The following IPCEF1 variants were observed in gnomAD, a reference collection of about 807,000 sequenced individuals.
IPCEF1 encodes the protein interaction protein for cytohesin exchange factors 1, also known as interactor protein for cytohesin exchange factors 1.
In IPCEF1, 31 loss-of-function variants were observed where a neutral mutation model predicts 50.9. The ratio of observed to expected loss-of-function variants is 0.61; its 90% CI spans 0.46 to 0.82. IPCEF1 has a LOEUF of 0.82. Among genes scored for constraint, IPCEF1 ranks in the 40% least tolerant of loss-of-function variants. IPCEF1 has a pLI of 0.00. For synonymous variants in IPCEF1, 181 were observed against 192.0 expected (o/e 0.94, Z 0.47); for missense variants, 458 against 514.0 (o/e 0.89, Z 1.05).
chr6:154,353,892 G>A (rs575119833), intron 1 of IPCEF1, among the ~76,000 whole-genome samples: 1 of 152,024 alleles, frequency 6.6e-6, no homozygotes, highest in African/African-American at 2.4e-5. Flanking sequence ...ACCACCATGT[G>A]TTCAACCATT....
At chr6:154,176,700 C>T (rs4870270) in intron 10 of IPCEF1, among the ~76,000 whole-genome samples, 53,083 of 152,046 alleles carry the variant, frequency 0.35, 9,644 homozygotes, top group Middle Eastern at 0.47. Flanking sequence ...ACATTCCATG[C>T]TCATGGATAG....
intron 1 of IPCEF1, among the ~76,000 whole-genome samples, chr6:154,325,775 G>A (rs1318864231): frequency 6.6e-6 from 1 of 152,052 alleles, no homozygotes; most frequent in Non-Finnish European, 1.5e-5. Context: ...TTTTGACGGT[G>A]AATATATTTA....
intron 1 of IPCEF1, among the ~76,000 whole-genome samples, chr6:154,290,710 T>G (rs1328807743): frequency 6.6e-6 from 1 of 152,140 alleles, no homozygotes; most frequent in African/African-American, 2.4e-5. Flanking sequence ...TATCAAAAAA[T>G]CATTAAACTG....
At chr6:154,217,017 C>G (rs907888280) in intron 7 of IPCEF1, 3 of 158,096 alleles carry the variant, frequency 1.9e-5, no homozygotes, top group African/African-American at 7.2e-5. Flanking sequence ...TTAAGAACAC[C>G]TGTGAAATTC....
At chr6:154,353,334 G>A in intron 1 of IPCEF1, among the ~76,000 whole-genome samples, 1 of 108,154 alleles carries the variant, frequency 9.2e-6, no homozygotes, top group South Asian at 3.1e-4. Flanking sequence ...CTCCCTCATT[G>A]CCCAGGCTGG....
chr6:154,279,060 G>A (rs1782140486), intron 2 of IPCEF1, among the ~76,000 whole-genome samples: 1 of 151,054 alleles, frequency 6.6e-6, no homozygotes, highest in African/African-American at 2.4e-5. Flanking sequence ...GGGGGATAGA[G>A]GTTGCACTGA....
intron 10 of IPCEF1, among the ~76,000 whole-genome samples, chr6:154,179,807 G>A (rs550725241): frequency 1.3e-5 from 2 of 152,230 alleles, no homozygotes; most frequent in Non-Finnish European, 2.9e-5. Context: ...CTTTCACACC[G>A]TGCAGAATCA....
Position 154,227,237 on chromosome 6 carries a change from T to C in IPCEF1, c.247-3994A>G, listed in dbSNP as rs1389916076. Among the ~76,000 whole-genome samples the C allele has an allele frequency of 2.6e-5, 4 of 151,636 alleles. No individual in the cohort carries two copies. The East Asian group carries it at 5.8e-4, about 22-fold the overall frequency. ...CAAACAAAAAAATTAAAAAATAAAA[T>C]AATAAAAAAATAAAAAACAATAGTT... On this transcript the variant is annotated intron_variant, in intron 5 of 11. Coordinates refer to ENST00000367220, the MANE Select transcript of IPCEF1 (RefSeq NM_001130700.2).
chr6:154,269,618 G>A (rs1156866413), intron 2 of IPCEF1, among the ~76,000 whole-genome samples: 2 of 152,094 alleles, frequency 1.3e-5, no homozygotes, highest in African/African-American at 4.8e-5. Flanking sequence ...TTACATGAGT[G>A]AGCAACCATG....
At chr6:154,297,504 G>C (rs754615330) in intron 1 of IPCEF1, among the ~76,000 whole-genome samples, 1 of 152,192 alleles carries the variant, frequency 6.6e-6, no homozygotes, top group Non-Finnish European at 1.5e-5. Context: ...TCCTCACTCT[G>C]ATTGTGGCTC....
At chr6:154,273,911 A>G (rs912082697) in intron 2 of IPCEF1, among the ~76,000 whole-genome samples, 7 of 147,950 alleles carry the variant, frequency 4.7e-5, no homozygotes, top group Non-Finnish European at 6.0e-5. Flanking sequence ...CCGCCACCAC[A>G]CCCGGCTAAT....
intron 1 of IPCEF1, among the ~76,000 whole-genome samples, chr6:154,317,888 T>C (rs535459329): frequency 6.6e-6 from 1 of 152,316 alleles, no homozygotes; most frequent in East Asian, 1.9e-4. Flanking sequence ...GATTTGTCTA[T>C]GAATATTCAT....
chr6:154,345,804 A>C (rs1428001647), intron 1 of IPCEF1, among the ~76,000 whole-genome samples: 1 of 149,180 alleles, frequency 6.7e-6, no homozygotes, highest in Non-Finnish European at 1.5e-5. Context: ...TCTAAAATAT[A>C]TAATGTGTTA....
At chr6:154,219,985 A>AGTGTGTGTGTGTGTGT (rs57450665) in intron 7 of IPCEF1, among the ~76,000 whole-genome samples, 111 of 140,134 alleles carry the variant, frequency 7.9e-4, no homozygotes, top group Middle Eastern at 7.2e-3. Flanking sequence ...ACCTGTAAGG[A>AGTGTGTGTGTGTGTGT]GTGTGTGTGT....
chr6:154,325,918 C>A (rs1412143614), intron 1 of IPCEF1, among the ~76,000 whole-genome samples: 5 of 152,204 alleles, frequency 3.3e-5, no homozygotes, highest in Admixed American at 6.5e-5. Flanking sequence ...CCATGCATAG[C>A]CACATTATTT....
intron 1 of IPCEF1, among the ~76,000 whole-genome samples, chr6:154,302,344 T>G (rs1170806115): frequency 6.6e-6 from 1 of 152,188 alleles, no homozygotes; most frequent in Admixed American, 6.5e-5. Context: ...TGTGCTTTAT[T>G]TGTCTCATTT....
intron 5 of IPCEF1, among the ~76,000 whole-genome samples, chr6:154,231,328 A>C (rs894023661): frequency 2.0e-5 from 3 of 152,268 alleles, no homozygotes; most frequent in Admixed American, 6.5e-5. Context: ...AATGGAACTC[A>C]ACAGAAGGAA....
intron 4 of IPCEF1, 64 bp downstream of exon 4, chr6:154,247,385 C>G: frequency 1.5e-6 from 2 of 1,337,918 alleles, no homozygotes; most frequent in South Asian, 2.4e-5. Context: ...GGAAGGCACC[C>G]CGGAGAAAAG....
intron 2 of IPCEF1, among the ~76,000 whole-genome samples, chr6:154,273,719 T>TCTTC (rs1781960801): frequency 1.0e-5 from 1 of 99,374 alleles, no homozygotes; most frequent in Non-Finnish European, 2.2e-5. Flanking sequence ...TTTCTTTCTT[T>TCTTC]CTTTCTTTTT....
Sources: allele counts gnomAD v4.1 joint callset (sites outside exome capture counted in the v4.1 genomes callset), GRCh38; gene constraint gnomAD v4.1.1; transcripts MANE v1.5; gene names NCBI Gene and HGNC (gene_info 2026-07-23, HGNC 2026-07-21).